NTAQ1: variants seen among roughly 807,000 people sequenced by gnomAD.
The protein encoded by NTAQ1 is protein N-terminal glutamine amidohydrolase.
Under a neutral mutation model 28.2 loss-of-function variants are expected in NTAQ1, and 21 were observed. The ratio of observed to expected loss-of-function variants is 0.74; its 90% confidence interval spans 0.53 to 1.07. The LOEUF (loss-of-function observed/expected upper bound fraction) is 1.07. NTAQ1 is among the 50% of genes least tolerant of loss of function. The pLI is 0.00. For missense variants in NTAQ1, 264 were observed against 256.6 expected, an observed-to-expected ratio of 1.03 and a Z score of -0.20; for synonymous variants, 105 against 90.0, an observed-to-expected ratio of 1.17 and a Z score of -0.94.
At chr8:123,466,615 G>T (rs975185232) in intron 6 of NTAQ1, among the ~76,000 whole-genome samples, 1 of 152,176 alleles carries the variant, frequency 6.6e-6, no homozygotes, top group Admixed American at 6.5e-5. Context: ...TTTTCATCTG[G>T]AGTGAGGACA....
rs373644065 is a variant in NTAQ1 at position 123,418,547 on chromosome 8, T to A, written c.83+1615T>A. ...ATAAGATAAAGGATGGTGACTTATC[T>A]TCTATTAGGATATTTTGAGAAGACA... On this transcript the variant is annotated intron_variant, in intron 1 of 5. Transcript: ENST00000287387. Among the ~76,000 whole-genome samples, 6 of 152,312 alleles carry A rather than the reference T, an allele frequency of 3.9e-5. No homozygotes were observed. In the East Asian group the frequency reaches 7.7e-4, roughly 20 times the overall value.
At chr8:123,470,390 T>C (rs1816029778), downstream of NTAQ1, among the ~76,000 whole-genome samples, 4 of 152,148 alleles carry the variant, frequency 2.6e-5, no homozygotes, top group South Asian at 8.3e-4. Flanking sequence ...AAATCACTGA[T>C]GAGATGGACG....
intron 6 of NTAQ1, among the ~76,000 whole-genome samples, chr8:123,447,713 A>G (rs1352479669): frequency 6.6e-6 from 1 of 152,158 alleles, no homozygotes; most frequent in Non-Finnish European, 1.5e-5. Flanking sequence ...AACTGCATAC[A>G]TTCATTGTGC....
At chr8:123,435,870 T>TA (rs1428130923) in intron 3 of NTAQ1, among the ~76,000 whole-genome samples, 1 of 135,802 alleles carries the variant, frequency 7.4e-6, no homozygotes, top group African/African-American at 2.8e-5. Context: ...CTGTCTCAAT[T>TA]AAAAAAAATA....
At chr8:123,454,524 T>A (rs373080614) in intron 6 of NTAQ1, among the ~76,000 whole-genome samples, 3 of 152,270 alleles carry the variant, frequency 2.0e-5, no homozygotes, top group African/African-American at 7.2e-5. Context: ...TGCGCCACTA[T>A]GCCTGGCTAA....
At chr8:123,474,883 G>T (rs1490231775), downstream of NTAQ1, among the ~76,000 whole-genome samples, 1 of 152,166 alleles carries the variant, frequency 6.6e-6, no homozygotes, top group Non-Finnish European at 1.5e-5. Context: ...GCAAAACTCT[G>T]TCTCAAAACA....
intron 5 of NTAQ1, chr8:123,438,096 G>A (rs1410258914): frequency 1.4e-6 from 1 of 692,818 alleles, no homozygotes; most frequent in Non-Finnish European, 2.6e-6. Context: ...GCGCTAGCAG[G>A]TTTTATTGTA....
chr8:123,441,481 G>A lies in NTAQ1; in HGVS notation c.*66G>A, dbSNP rs1034779343. The A allele has an allele frequency of 6.2e-6, 8 of 1,285,746 alleles. No homozygotes were observed. In the African/African-American group the frequency reaches 8.9e-5, roughly 14 times the overall value. 79.6% of individuals were successfully genotyped at this position (1,285,746 alleles called of 1,614,324 possible). On this transcript the variant is annotated 3_prime_UTR_variant, in exon 6 of 6. Coordinates refer to ENST00000287387, the MANE Select transcript of NTAQ1 (RefSeq NM_018024.3). ...CATGAACAAGCTATCCTTTCATCGAGGACAGCAAACATTATGGTACAGTTG... is the reference window on the plus strand; with the variant it reads ...CATGAACAAGCTATCCTTTCATCGAAGACAGCAAACATTATGGTACAGTTG...
chr8:123,449,462 T>A (rs1453242193), downstream of NTAQ1, among the ~76,000 whole-genome samples: 1 of 152,108 alleles, frequency 6.6e-6, no homozygotes, highest in Non-Finnish European at 1.5e-5. Context: ...ATGCCTATAA[T>A]CCCAGCACTT....
At chr8:123,458,672 AGTGCAACG>A (rs1268728243) in intron 6 of NTAQ1, among the ~76,000 whole-genome samples, 3 of 148,548 alleles carry the variant, frequency 2.0e-5, no homozygotes, top group Non-Finnish European at 4.5e-5. Flanking sequence ...CCCAGGCTGG[AGTGCAACG>A]GCGCGATCTC....
chr8:123,426,751 A>T (rs1814078642), intron 1 of NTAQ1, among the ~76,000 whole-genome samples: 1 of 151,848 alleles, frequency 6.6e-6, no homozygotes, highest in Admixed American at 6.6e-5. Flanking sequence ...CTTGAGATCA[A>T]GAGTTTGAGA....
intron 6 of NTAQ1, among the ~76,000 whole-genome samples, chr8:123,460,977 C>T (rs1815807675): frequency 6.6e-6 from 1 of 152,200 alleles, no homozygotes; most frequent in Non-Finnish European, 1.5e-5. Flanking sequence ...CTTTTGGAAT[C>T]TTTCTTTCAT....
chr8:123,437,998 C>T (rs1814829375), intron 5 of NTAQ1: 2 of 579,842 alleles, frequency 3.4e-6, no homozygotes, highest in South Asian at 4.2e-5. Context: ...GGGTTTTGTG[C>T]TGTGGTGAAA....
exon 7 of NTAQ1, among the ~76,000 whole-genome samples, chr8:123,467,730 G>A (rs999372195): frequency 6.6e-6 from 1 of 152,124 alleles, no homozygotes; most frequent in African/African-American, 2.4e-5. Context: ...TGAGAGACAG[G>A]TTCAAGGTAT....
At chr8:123,475,460 T>C in the NTAQ1 span, among the ~76,000 whole-genome samples, 5 of 152,182 alleles carry the variant, frequency 3.3e-5, no homozygotes, top group African/African-American at 9.6e-5. Flanking sequence ...TTTGGAAATA[T>C]ATGCAGGTAT....
chr8:123,450,053 G>A (rs1457043704), downstream of NTAQ1, among the ~76,000 whole-genome samples: 2 of 145,800 alleles, frequency 1.4e-5, no homozygotes, highest in African/African-American at 5.1e-5. Context: ...GTTAATAGAT[G>A]ACATTTAAAG....
chr8:123,464,226 C>G (rs1815907818), intron 6 of NTAQ1, among the ~76,000 whole-genome samples: 1 of 152,108 alleles, frequency 6.6e-6, no homozygotes, highest in Non-Finnish European at 1.5e-5. Context: ...GAGGCTGGGT[C>G]TTTATACCCC....
chr8:123,475,326 T>A, the NTAQ1 span, among the ~76,000 whole-genome samples: 1 of 152,188 alleles, frequency 6.6e-6, no homozygotes, highest in Non-Finnish European at 1.5e-5. Flanking sequence ...ATGGAATTGA[T>A]CTTTTCTCCA....
chr8:123,437,354 C>G lies in NTAQ1; in HGVS notation c.508+20C>G. ...CTGGAGGTGAGCCAAGATGCCTTCT[C>G]AGATGGGGGTTCTGATTGATCACAT... On this transcript the variant is annotated intron_variant, in intron 5 of 5. Coordinates refer to ENST00000287387, the MANE Select transcript of NTAQ1 (RefSeq NM_018024.3). The G allele has an allele frequency of 1.9e-6, 3 of 1,613,482 alleles. No homozygotes were observed. Among genetic ancestry groups the G allele is most frequent in the South Asian group, 2.2e-5 (2 of 90,992 alleles).
Sources: allele counts gnomAD v4.1 joint callset (sites outside exome capture counted in the v4.1 genomes callset), GRCh38; gene constraint gnomAD v4.1.1; transcripts MANE v1.5; gene names NCBI Gene and HGNC (gene_info 2026-07-23, HGNC 2026-07-21).